Variants in RHBDD1 observed in about 807,000 individuals in gnomAD.
RHBDD1 encodes the protein rhomboid domain containing 1.
A neutral mutation model predicts 36.3 loss-of-function variants in RHBDD1; 38 were observed. That is an observed-to-expected ratio of 1.05 (90% CI 0.81 to 1.37). The LOEUF is 1.37. Among genes scored for constraint, RHBDD1 ranks in the 40% most tolerant of loss-of-function variants. The pLI, the probability that RHBDD1 is intolerant of heterozygous loss-of-function variation, is 0.00. For missense variants in RHBDD1, 393 were observed against 377.6 expected (o/e 1.04, Z -0.34); for synonymous variants, 151 against 136.5 (o/e 1.11, Z -0.74).
intron 8 of RHBDD1, among the ~76,000 whole-genome samples, chr2:226,954,138 C>T (rs190470803): frequency 9.8e-4 from 149 of 152,248 alleles, no homozygotes; most frequent in African/African-American, 3.5e-3. Context: ...AGACGGCACC[C>T]AAACCCTGAG....
intron 3 of RHBDD1, among the ~76,000 whole-genome samples, chr2:226,853,664 AG>A (rs1943050272): frequency 2.0e-5 from 3 of 152,236 alleles, no homozygotes; most frequent in Admixed American, 1.3e-4. Context: ...AACTACTGGA[AG>A]GACTTTTACT....
At chr2:226,956,227 G>A (rs4129884) in intron 8 of RHBDD1, among the ~76,000 whole-genome samples, 69,463 of 151,750 alleles carry the variant, frequency 0.46, 16,083 homozygotes, top group African/African-American at 0.52. Flanking sequence ...TTGCTCCCAC[G>A]CCCCACTAAG....
intron 5 of RHBDD1, among the ~76,000 whole-genome samples, chr2:226,901,719 A>G (rs555687234): frequency 7.8e-4 from 119 of 152,308 alleles, no homozygotes; most frequent in African/African-American, 2.8e-3. Flanking sequence ...AACGGAGACT[A>G]TATTTGCAAA....
chr2:226,960,420 A>T (rs570532348), intron 8 of RHBDD1, among the ~76,000 whole-genome samples: 4 of 152,340 alleles, frequency 2.6e-5, no homozygotes, highest in Middle Eastern at 3.4e-3. Context: ...CACTCTTTTA[A>T]CTGATTGCAT....
intron 8 of RHBDD1, among the ~76,000 whole-genome samples, chr2:226,963,184 TA>T (rs11331247): frequency 1 from 152,154 of 152,158 alleles, 76,075 homozygotes; most frequent in Non-Finnish European, 1. Context: ...TAACTTAAGA[TA>T]AAAAAAAGAA....
intron 8 of RHBDD1, among the ~76,000 whole-genome samples, chr2:226,925,048 T>G (rs183716372): frequency 4.0e-4 from 61 of 152,378 alleles, no homozygotes; most frequent in African/African-American, 1.3e-3. Flanking sequence ...AAGGATGATC[T>G]GTAAAGCTTT....
At chr2:226,908,621 A>G in intron 6 of RHBDD1, 1 of 554,490 alleles carries the variant, frequency 1.8e-6, no homozygotes, top group Non-Finnish European at 3.2e-6. Flanking sequence ...ACACACACAC[A>G]TTCTTTTCCC....
At chr2:226,970,866 T>G (rs1186680984) in intron 8 of RHBDD1, among the ~76,000 whole-genome samples, 3 of 152,164 alleles carry the variant, frequency 2.0e-5, no homozygotes, top group Admixed American at 6.5e-5. Context: ...GTGCCCATCA[T>G]GTGGGGACAT....
chr2:226,858,371 T>A (rs1482398328), intron 3 of RHBDD1, among the ~76,000 whole-genome samples: 2 of 152,338 alleles, frequency 1.3e-5, no homozygotes, highest in Middle Eastern at 3.4e-3. Flanking sequence ...GAATTTGTTA[T>A]ACTTTTAGTA....
intron 8 of RHBDD1, among the ~76,000 whole-genome samples, chr2:226,928,058 T>G (rs1949784124): frequency 6.6e-6 from 1 of 152,062 alleles, no homozygotes. Flanking sequence ...CTTTTAGGAG[T>G]TCCATGGTCT....
chr2:226,881,445 A>G (rs571341156), intron 5 of RHBDD1, among the ~76,000 whole-genome samples: 1 of 152,338 alleles, frequency 6.6e-6, no homozygotes, highest in East Asian at 1.9e-4. Context: ...ATGACTGCAT[A>G]ATGATTTCTT....
intron 3 of RHBDD1, among the ~76,000 whole-genome samples, chr2:226,862,322 G>T (rs1175162535): frequency 6.6e-6 from 1 of 150,814 alleles, no homozygotes; most frequent in Non-Finnish European, 1.5e-5. Context: ...TTTGCCCCAG[G>T]TCACAGAGCT....
intron 8 of RHBDD1, among the ~76,000 whole-genome samples, chr2:226,945,596 T>G (rs1247529369): frequency 6.6e-6 from 1 of 152,166 alleles, no homozygotes; most frequent in Admixed American, 6.5e-5. Context: ...TCTTTGCTAT[T>G]GTGAGTAGTG....
chr2:226,992,396 T>C (rs1958440654), intron 8 of RHBDD1, among the ~76,000 whole-genome samples: 2 of 152,230 alleles, frequency 1.3e-5, no homozygotes, highest in African/African-American at 4.8e-5. Context: ...AACAAAGCAA[T>C]TCGGCCATTC....
chr2:226,843,906 G>T (rs1339319231), intron 3 of RHBDD1, among the ~76,000 whole-genome samples: 2 of 152,042 alleles, frequency 1.3e-5, no homozygotes, highest in African/African-American at 2.4e-5. Context: ...TCTGGTCCTG[G>T]GCTTTTTTTG....
the RHBDD1 span, among the ~76,000 whole-genome samples, chr2:226,816,483 T>G: frequency 6.6e-6 from 1 of 151,774 alleles, no homozygotes; most frequent in African/African-American, 2.4e-5. Flanking sequence ...TGTCTAAGGA[T>G]CCTTGGAATG....
At chr2:226,880,576 A>G (rs765098762) in intron 5 of RHBDD1, among the ~76,000 whole-genome samples, 8 of 151,922 alleles carry the variant, frequency 5.3e-5, no homozygotes, top group Admixed American at 2.6e-4. Flanking sequence ...GTATTAATCA[A>G]CTCTCCCTTT....
intron 8 of RHBDD1, among the ~76,000 whole-genome samples, chr2:226,919,970 C>T (rs578167621): frequency 4.6e-5 from 7 of 152,042 alleles, no homozygotes; most frequent in African/African-American, 1.7e-4. Flanking sequence ...GAATATGTTT[C>T]CACTTTTTGT....
intron 8 of RHBDD1, among the ~76,000 whole-genome samples, chr2:226,966,061 G>T (rs796999891): frequency 1.9e-4 from 29 of 152,192 alleles, no homozygotes; most frequent in African/African-American, 7.0e-4. Flanking sequence ...GGGGTATAAG[G>T]TTGGTTCAAC....
Sources: allele counts gnomAD v4.1 joint callset (sites outside exome capture counted in the v4.1 genomes callset), GRCh38; gene constraint gnomAD v4.1.1; transcripts MANE v1.5; gene names NCBI Gene and HGNC (gene_info 2026-07-23, HGNC 2026-07-21).